PPP2R2B: variants seen among roughly 807,000 people sequenced by gnomAD.
The protein encoded by PPP2R2B is protein phosphatase 2 regulatory subunit Bbeta.
Under a neutral mutation model 46.0 loss-of-function variants are expected in PPP2R2B, and 5 were observed. That is an observed-to-expected ratio of 0.11 (90% CI 0.06 to 0.23). The LOEUF (loss-of-function observed/expected upper bound fraction) is 0.23, where lower values mean the gene tolerates loss of function less well. Ranked by LOEUF, PPP2R2B falls within the 10% of genes least tolerant of loss-of-function variation. The pLI, the probability that PPP2R2B is intolerant of heterozygous loss-of-function variation, is 1.00. For synonymous variants in PPP2R2B, 215 were observed against 206.7 expected, an observed-to-expected ratio of 1.04 and a Z score of -0.34; for missense variants, 367 against 575.0, an observed-to-expected ratio of 0.64 and a Z score of 3.70.
intron 5 of PPP2R2B, among the ~76,000 whole-genome samples, chr5:146,660,264 A>G (rs938787576): frequency 1.3e-5 from 2 of 152,198 alleles, no homozygotes; most frequent in African/African-American, 4.8e-5. Flanking sequence ...AAATTAAATT[A>G]CTTTTCATTT....
chr5:146,926,039 C>A (rs1360488616), intron 1 of PPP2R2B, among the ~76,000 whole-genome samples: 1 of 151,784 alleles, frequency 6.6e-6, no homozygotes, highest in Non-Finnish European at 1.5e-5. Flanking sequence ...CTCTTGTTAC[C>A]CCACTTTTCT....
At chr5:146,901,472 G>T (rs992359159) in intron 1 of PPP2R2B, among the ~76,000 whole-genome samples, 2 of 152,088 alleles carry the variant, frequency 1.3e-5, no homozygotes, top group African/African-American at 4.8e-5. Flanking sequence ...CTGCACTCCA[G>T]CCTGGGTGAC....
chr5:147,001,594 C>T (rs1754179365), intron 1 of PPP2R2B, among the ~76,000 whole-genome samples: 1 of 152,160 alleles, frequency 6.6e-6, no homozygotes, highest in African/African-American at 2.4e-5. Flanking sequence ...TTCTTGAAGT[C>T]AGCGAGACCA....
chr5:146,991,120 G>A (rs551551763), intron 1 of PPP2R2B, among the ~76,000 whole-genome samples: 12 of 152,176 alleles, frequency 7.9e-5, no homozygotes, highest in South Asian at 4.1e-4. Context: ...TACACTCTTC[G>A]TAGGAATGTA....
intron 1 of PPP2R2B, among the ~76,000 whole-genome samples, chr5:146,934,073 G>A (rs1285276110): frequency 1.3e-5 from 2 of 152,022 alleles, no homozygotes; most frequent in African/African-American, 4.8e-5. Flanking sequence ...TCTTAATCAA[G>A]TCTATCATTC....
intron 4 of PPP2R2B, among the ~76,000 whole-genome samples, chr5:146,697,429 C>A (rs1779239933): frequency 6.6e-6 from 1 of 152,194 alleles, no homozygotes; most frequent in African/African-American, 2.4e-5. Flanking sequence ...CCTCATCCAA[C>A]AAATGGTGTT....
intron 1 of PPP2R2B, among the ~76,000 whole-genome samples, chr5:146,924,582 G>A (rs2151817159): frequency 6.6e-6 from 1 of 152,294 alleles, no homozygotes; most frequent in Middle Eastern, 3.4e-3. Flanking sequence ...ATTAGGGCCA[G>A]CTTCATAGAT....
At chr5:146,686,730 T>C (rs1337319010) in intron 5 of PPP2R2B, among the ~76,000 whole-genome samples, 1 of 152,148 alleles carries the variant, frequency 6.6e-6, no homozygotes. Context: ...CCCAGGGCAC[T>C]GGCAGCTGAT....
intron 2 of PPP2R2B, among the ~76,000 whole-genome samples, chr5:146,739,846 A>C (rs1752759981): frequency 2.0e-5 from 3 of 152,292 alleles, no homozygotes; most frequent in South Asian, 4.1e-4. Context: ...CTTGATGCTT[A>C]ATACTTATTT....
intron 5 of PPP2R2B, among the ~76,000 whole-genome samples, chr5:146,659,001 G>T (rs1173644895): frequency 2.6e-5 from 4 of 151,578 alleles, no homozygotes; most frequent in African/African-American, 9.7e-5. Context: ...ATTCATAAAA[G>T]AAAAAGTCTA....
intron 2 of PPP2R2B, among the ~76,000 whole-genome samples, chr5:147,078,650 A>G (rs898542723): frequency 1.3e-5 from 2 of 151,588 alleles, no homozygotes; most frequent in African/African-American, 4.8e-5. Flanking sequence ...ATAAAAATTA[A>G]AAAAAAATAA....
intron 1 of PPP2R2B, among the ~76,000 whole-genome samples, chr5:147,029,017 T>C (rs1301067016): frequency 6.6e-6 from 1 of 152,232 alleles, no homozygotes; most frequent in Non-Finnish European, 1.5e-5. Context: ...GAGTCTTTCT[T>C]ATTTGTAGTT....
At chr5:146,798,111 C>A (rs967028361) in intron 2 of PPP2R2B, among the ~76,000 whole-genome samples, 2 of 152,100 alleles carry the variant, frequency 1.3e-5, no homozygotes, top group African/African-American at 4.8e-5. Context: ...TCTTTGGGGA[C>A]TTGGTGAGTC....
chr5:146,801,563 A>G (rs1756867095), intron 2 of PPP2R2B, among the ~76,000 whole-genome samples: 1 of 152,174 alleles, frequency 6.6e-6, no homozygotes, highest in Non-Finnish European at 1.5e-5. Context: ...CCATCAGTAA[A>G]TACAGTTCAT....
At chr5:147,050,671 AACACACAC>A (rs10631399) in intron 1 of PPP2R2B, among the ~76,000 whole-genome samples, 1 of 149,982 alleles carries the variant, frequency 6.7e-6, no homozygotes, top group Non-Finnish European at 1.5e-5. Context: ...GTTAGGGATA[AACACACAC>A]ACACACACAC....
At chr5:146,840,324 CT>C (rs376206427) in intron 2 of PPP2R2B, among the ~76,000 whole-genome samples, 2,209 of 151,554 alleles carry the variant, frequency 0.015, 56 homozygotes, top group African/African-American at 0.051. Context: ...CCCTTGGAAT[CT>C]TTTTTTTTAC....
chr5:146,984,232 A>T (rs1348787831), intron 1 of PPP2R2B, among the ~76,000 whole-genome samples: 1 of 152,156 alleles, frequency 6.6e-6, no homozygotes, highest in African/African-American at 2.4e-5. Flanking sequence ...GTATGCTCTG[A>T]CTATCATCTT....
intron 1 of PPP2R2B, among the ~76,000 whole-genome samples, chr5:146,989,086 G>T (rs1281572791): frequency 3.3e-5 from 5 of 151,960 alleles, no homozygotes; most frequent in Admixed American, 1.3e-4. Context: ...CCAATAATGA[G>T]CAATGAGATA....
At chr5:147,061,922 G>A (rs531844069) in intron 2 of PPP2R2B, among the ~76,000 whole-genome samples, 1 of 152,144 alleles carries the variant, frequency 6.6e-6, no homozygotes, top group Non-Finnish European at 1.5e-5. Context: ...AATTTATAAA[G>A]AGAAGTCAGA....
Sources: gnomAD v4.1 joint callset for allele counts (sites outside exome capture counted in the v4.1 genomes callset) on GRCh38, gnomAD v4.1.1 for gene constraint, MANE v1.5 for transcripts, NCBI Gene and HGNC (gene_info 2026-07-23, HGNC 2026-07-21) for gene names.